FAM151B: variants seen among roughly 807,000 people sequenced by gnomAD.
The protein encoded by FAM151B is family with sequence similarity 151 member B, also known as protein FAM151B.
In FAM151B, 24 loss-of-function variants were observed where a neutral mutation model predicts 31.2. That is an observed-to-expected ratio of 0.77 (90% CI 0.56 to 1.08). The LOEUF (loss-of-function observed/expected upper bound fraction) is 1.08. FAM151B is among the 50% of genes least tolerant of loss of function. FAM151B has a pLI of 0.00. For missense variants in FAM151B, 293 were observed against 328.6 expected (o/e 0.89, Z 0.84); for synonymous variants, 105 against 111.4 (o/e 0.94, Z 0.36).
Position 80,531,427 on chromosome 5 carries a change from A to G in FAM151B, c.671+9289A>G, listed in dbSNP as rs183661703. On this transcript the variant is annotated intron_variant, in intron 5 of 5. Coordinates refer to ENST00000282226, the MANE Select transcript of FAM151B (RefSeq NM_205548.3). ...AAAGAGCTTCTGCACAGCAAAAGAA[A>G]CTACCATCAGAGTGAACAGGCAACC... Among the ~76,000 whole-genome samples, 706 of 152,338 alleles carry G rather than the reference A, an allele frequency of 4.6e-3. 4 individuals are homozygous for G. Among genetic ancestry groups the G allele is most frequent in the Non-Finnish European group, 6.5e-3 (442 of 68,028 alleles).
chr5:80,511,887 G>T (rs937250474), intron 2 of FAM151B, among the ~76,000 whole-genome samples: 1 of 152,140 alleles, frequency 6.6e-6, no homozygotes, highest in African/African-American at 2.4e-5. Context: ...GATTATAAGC[G>T]TGAGCCACCA....
rs1268582262 is a variant in FAM151B, at chr5:80,488,402, T to C, written c.25+254T>C. On this transcript the variant is annotated intron_variant, in intron 1 of 5. Coordinates refer to ENST00000282226, the MANE Select transcript of FAM151B (RefSeq NM_205548.3). Reference sequence around the variant, plus strand: ...GGGAGGTCGAGAATGGCAGGGTCAGTGTCTTTTGAGGTCTGGGTTGGAAAG... The same window carrying C: ...GGGAGGTCGAGAATGGCAGGGTCAGCGTCTTTTGAGGTCTGGGTTGGAAAG... Among the ~76,000 whole-genome samples the C allele has an allele frequency of 3.9e-5, 6 of 152,210 alleles. No individual in the cohort carries two copies. The East Asian group carries it at 9.6e-4, about 24-fold the overall frequency.
chr5:80,502,856 G>A (rs1743800141), intron 2 of FAM151B, among the ~76,000 whole-genome samples: 1 of 152,090 alleles, frequency 6.6e-6, no homozygotes, highest in Non-Finnish European at 1.5e-5. Context: ...CTTGTTTCAT[G>A]TTGAATCCTT....
intron 1 of FAM151B, among the ~76,000 whole-genome samples, chr5:80,490,019 T>TACAC (rs71601587): frequency 0.037 from 5,375 of 144,658 alleles, 144 homozygotes; most frequent in Admixed American, 0.054. Context: ...TTTTCCCCCT[T>TACAC]ACACACACAC....
rs190628968 is a variant in FAM151B, at chr5:80,529,658, G to C, written c.671+7520G>C. On this transcript the variant is annotated intron_variant, in intron 5 of 5. Transcript: ENST00000282226. Reference sequence around the variant, plus strand: ...TCTAGAAGAAATGGATAAATTCCTGGACACATATACCCTCCCAAGACTAAA... The same window carrying C: ...TCTAGAAGAAATGGATAAATTCCTGCACACATATACCCTCCCAAGACTAAA... Among the ~76,000 whole-genome samples the C allele has an allele frequency of 2.7e-3, 417 of 152,204 alleles. 3 individuals are homozygous for C. The highest frequency in any genetic ancestry group is 9.6e-3 in the African/African-American group (399 of 41,524).
chr5:80,531,671 T>C (rs999063736), intron 5 of FAM151B, among the ~76,000 whole-genome samples: 4 of 152,110 alleles, frequency 2.6e-5, no homozygotes, highest in South Asian at 2.1e-4. Context: ...AGAATGCACA[T>C]CAAAACCACA....
intron 2 of FAM151B, chr5:80,511,105 A>C (rs1744163093): frequency 6.6e-6 from 1 of 152,134 alleles, no homozygotes; most frequent in Non-Finnish European, 1.5e-5. Context: ...CAAATCATAG[A>C]AGAAGTTGAG....
intron 1 of FAM151B, among the ~76,000 whole-genome samples, chr5:80,489,556 G>C (rs537871928): frequency 5.9e-5 from 9 of 152,186 alleles, no homozygotes; most frequent in Non-Finnish European, 1.0e-4. Context: ...TCGATGCAAG[G>C]TTTACAAAAT....
chr5:80,506,097 C>T (rs1743949900), intron 2 of FAM151B: 9 of 985,516 alleles, frequency 9.1e-6, no homozygotes, highest in Non-Finnish European at 1.1e-5. Flanking sequence ...CTGCTCCATA[C>T]AAGCATATGG....
chr5:80,500,570 T>G (rs1447183407), intron 1 of FAM151B: 2 of 756,132 alleles, frequency 2.6e-6, no homozygotes, highest in African/African-American at 3.4e-5. Context: ...AGCTGGCAAC[T>G]TCTGTGTACC....
intron 5 of FAM151B, among the ~76,000 whole-genome samples, chr5:80,523,024 A>G (rs895921585): frequency 2.6e-5 from 4 of 152,178 alleles, no homozygotes; most frequent in African/African-American, 9.6e-5. Flanking sequence ...ACAACAGGCT[A>G]TGTAGGAAAA....
intron 2 of FAM151B, among the ~76,000 whole-genome samples, chr5:80,511,542 T>C (rs994837615): frequency 3.4e-4 from 52 of 151,690 alleles, no homozygotes; most frequent in African/African-American, 1.2e-3. Flanking sequence ...CTGTCATCTA[T>C]CCCACTTTTT....
chr5:80,528,994 A>C (rs1745102709), intron 5 of FAM151B, among the ~76,000 whole-genome samples: 1 of 152,126 alleles, frequency 6.6e-6, no homozygotes, highest in South Asian at 2.1e-4. Context: ...GAAGTGAAGT[A>C]CTCCTCACCA....
intron 5 of FAM151B, among the ~76,000 whole-genome samples, chr5:80,524,564 A>G (rs1744871389): frequency 6.6e-6 from 1 of 152,080 alleles, no homozygotes; most frequent in African/African-American, 2.4e-5. Flanking sequence ...TAATTATTCC[A>G]TAGAAAAAAA....
chr5:80,494,462 T>TTTC (rs1743439879), intron 1 of FAM151B, among the ~76,000 whole-genome samples: 1 of 70,942 alleles, frequency 1.4e-5, no homozygotes, highest in Non-Finnish European at 2.8e-5. Context: ...TTTCTTTTCT[T>TTTC]TCTTTCTTTC....
intron 5 of FAM151B, among the ~76,000 whole-genome samples, chr5:80,531,201 T>G (rs1055054767): frequency 1.3e-5 from 2 of 152,194 alleles, no homozygotes; most frequent in African/African-American, 4.8e-5. Context: ...AAGCTGAAAC[T>G]GGATCCCTTC....
intron 3 of FAM151B, among the ~76,000 whole-genome samples, chr5:80,517,654 T>C (rs966162551): frequency 2.0e-5 from 3 of 152,234 alleles, no homozygotes; most frequent in African/African-American, 4.8e-5. Context: ...ATAAATGTAC[T>C]AAATTCTTGC....
chr5:80,535,134 G>C (rs1472870269), intron 5 of FAM151B, among the ~76,000 whole-genome samples: 2 of 152,136 alleles, frequency 1.3e-5, no homozygotes, highest in Non-Finnish European at 2.9e-5. Flanking sequence ...TTCCATGTTT[G>C]TGGATTGGAA....
chr5:80,498,258 C>T, intron 1 of FAM151B, among the ~76,000 whole-genome samples: 1 of 152,034 alleles, frequency 6.6e-6, no homozygotes, highest in East Asian at 1.9e-4. Context: ...TTATATATGC[C>T]AAATAGGGCC....
Sources: allele counts gnomAD v4.1 joint callset (sites outside exome capture counted in the v4.1 genomes callset), GRCh38; gene constraint gnomAD v4.1.1; transcripts MANE v1.5; gene names NCBI Gene and HGNC (gene_info 2026-07-23, HGNC 2026-07-21).